The following EXD3 variants were observed in gnomAD, a reference collection of about 807,000 sequenced individuals.
EXD3 encodes exonuclease 3'-5' domain containing 3.
A neutral mutation model predicts 98.0 loss-of-function variants in EXD3; 92 were observed. The ratio of observed to expected loss-of-function variants is 0.94; its 90% CI spans 0.79 to 1.12. EXD3 has a LOEUF of 1.12. EXD3 is among the 50% of genes most tolerant of loss of function. EXD3 has a pLI of 0.00. For synonymous variants in EXD3, 569 were observed against 526.0 expected (o/e 1.08, Z -1.12); for missense variants, 1,222 against 1,191.6 (o/e 1.03, Z -0.38).
Position 137,403,278 on chromosome 9 carries a change from A to G in EXD3, c.-47-7874T>C, listed in dbSNP as rs1223026333. Among the ~76,000 whole-genome samples the G allele has an allele frequency of 6.6e-6, 1 of 151,934 alleles. No homozygotes were observed. Among genetic ancestry groups the G allele is most frequent in the African/African-American group, 2.4e-5 (1 of 41,372 alleles). On this transcript the variant is annotated intron_variant, in intron 1 of 21. Transcript: ENST00000340951. This position sits in a 1 kb window ranked among gnomAD's most constrained non-coding sequence, Gnocchi z 6.1. Reference sequence around the variant, plus strand: ...CACTGTGAGTGACCTGAGGGGCCCCAGAAGATGCAGACCCGAACGCGTCTC... The same window carrying G: ...CACTGTGAGTGACCTGAGGGGCCCCGGAAGATGCAGACCCGAACGCGTCTC...
At chr9:137,375,707 C>T (rs748505049) in intron 3 of EXD3, among the ~76,000 whole-genome samples, 7 of 151,896 alleles carry the variant, frequency 4.6e-5, no homozygotes, top group South Asian at 4.1e-4. Context: ...AGTTCTAGCC[C>T]TAGTGAGTTC....
Position 137,385,904 on chromosome 9 carries a change from G to C in EXD3, c.56-2527C>G, listed in dbSNP as rs1217678972. Reference sequence around the variant, plus strand: ...GTTCTGCAGGTGGACGGTGGTGGCAGCTGTGCAGCCACATGAGTGCCCTTA... The same window carrying C: ...GTTCTGCAGGTGGACGGTGGTGGCACCTGTGCAGCCACATGAGTGCCCTTA... On this transcript the variant is annotated intron_variant, in intron 2 of 21. Coordinates refer to ENST00000340951, the MANE Select transcript of EXD3 (RefSeq NM_017820.5). This position sits in a 1 kb window ranked among gnomAD's most constrained non-coding sequence, Gnocchi z 4.4. Among the ~76,000 whole-genome samples, 1 of 152,196 alleles carries C rather than the reference G, an allele frequency of 6.6e-6. No individual in the cohort carries two copies. The highest frequency in any genetic ancestry group is 1.5e-5 in the Non-Finnish European group (1 of 68,054).
intron 2 of EXD3, among the ~76,000 whole-genome samples, chr9:137,386,550 G>A (rs1319577650): frequency 6.6e-6 from 1 of 152,002 alleles, no homozygotes; most frequent in African/African-American, 2.4e-5. Flanking sequence ...ACAACACCCA[G>A]CCGCGCAACA....
intron 5 of EXD3, among the ~76,000 whole-genome samples, chr9:137,368,267 A>T (rs1835375290): frequency 6.6e-6 from 1 of 152,216 alleles, no homozygotes; most frequent in African/African-American, 2.4e-5. Context: ...CTGGCCACAC[A>T]GCCTGGGTCC....
chr9:137,356,163 G>T, intron 8 of EXD3, 105 bp downstream of exon 8: 1 of 836,020 alleles, frequency 1.2e-6, no homozygotes, highest in Non-Finnish European at 1.9e-6. Context: ...GGTTGGTCTT[G>T]GTTGGCACCT....
chr9:137,327,176 C>A (rs1038538260), intron 17 of EXD3, among the ~76,000 whole-genome samples: 3 of 151,422 alleles, frequency 2.0e-5, no homozygotes, highest in South Asian at 4.2e-4. Context: ...CTCTGTCGCC[C>A]AGGCTGGAGT....
intron 8 of EXD3, among the ~76,000 whole-genome samples, chr9:137,355,728 A>AGGAGGAAGGGAGGAT (rs1312685212): frequency 3.8e-5 from 5 of 132,490 alleles, no homozygotes; most frequent in Non-Finnish European, 4.9e-5. Flanking sequence ...GGAAGGAGGA[A>AGGAGGAAGGGAGGAT]GGAGGACCTA....
At chr9:137,352,230 C>T (rs1283369795) in intron 11 of EXD3, 29 bp from the exon 12 acceptor site, 2 of 1,611,648 alleles carry the variant, frequency 1.2e-6, no homozygotes, top group East Asian at 2.2e-5. Context: ...GTAGCGCCCC[C>T]ATGTCCCTGG....
rs1427562820 is a variant in EXD3, at chr9:137,385,544, ATAT to A, written c.56-2170_56-2168del. ...GACTTTTATTTTGTTATTTAAGTTA[ATAT>A]TTTATTTAGAGACGGAGTCTCACTG... On this transcript the variant is annotated intron_variant, in intron 2 of 21. Coordinates refer to ENST00000340951, the MANE Select transcript of EXD3 (RefSeq NM_017820.5). The surrounding 1 kb of genome is among the most constrained non-coding windows in gnomAD (Gnocchi z 4.4). 6.6e-6 allele frequency among the ~76,000 whole-genome samples: 1 copy of A among 152,136 alleles called. No homozygotes were observed. The highest frequency in any genetic ancestry group is 1.9e-4 in the East Asian group (1 of 5,200).
At chr9:137,397,045 C>T (rs1837251236) in intron 1 of EXD3, among the ~76,000 whole-genome samples, 1 of 152,210 alleles carries the variant, frequency 6.6e-6, no homozygotes, top group Non-Finnish European at 1.5e-5. Flanking sequence ...AGGAGGACCC[C>T]CGAGCCTCCC....
intron 1 of EXD3, among the ~76,000 whole-genome samples, chr9:137,404,905 G>C (rs779511080): frequency 6.7e-6 from 1 of 150,038 alleles, no homozygotes; most frequent in East Asian, 1.9e-4. Flanking sequence ...TCCTGGCCAC[G>C]CCTGTCTCCT....
chr9:137,399,025 C>A (rs111654772), intron 1 of EXD3, among the ~76,000 whole-genome samples: 2 of 152,188 alleles, frequency 1.3e-5, no homozygotes, highest in Non-Finnish European at 2.9e-5. Flanking sequence ...ACGTGCACAC[C>A]GACATCCCCG....
chr9:137,312,669 A>G (rs764234692), intron 19 of EXD3, among the ~76,000 whole-genome samples: 1 of 152,098 alleles, frequency 6.6e-6, no homozygotes, highest in Non-Finnish European at 1.5e-5. Context: ...GGGGAGGCGC[A>G]CTCAGGACCA....
chr9:137,316,423 C>T (rs1280420571), intron 19 of EXD3, among the ~76,000 whole-genome samples: 2 of 152,000 alleles, frequency 1.3e-5, no homozygotes, highest in Non-Finnish European at 2.9e-5. Context: ...GGGGACTCGG[C>T]CCCCCGCCCG....
intron 17 of EXD3, among the ~76,000 whole-genome samples, chr9:137,330,389 C>G (rs1224951021): frequency 2.1e-5 from 3 of 140,842 alleles, no homozygotes; most frequent in Non-Finnish European, 3.0e-5. Context: ...CAGGACTACA[C>G]AGGAGCTACA....
intron 19 of EXD3, among the ~76,000 whole-genome samples, chr9:137,317,141 G>A (rs1379603803): frequency 6.6e-6 from 1 of 152,154 alleles, no homozygotes; most frequent in African/African-American, 2.4e-5. Context: ...AGGAGGCTGA[G>A]GCTCAGGAGA....
intron 1 of EXD3, among the ~76,000 whole-genome samples, chr9:137,417,437 G>A (rs1297113163): frequency 6.6e-6 from 1 of 152,202 alleles, no homozygotes; most frequent in Non-Finnish European, 1.5e-5. Flanking sequence ...CCTGCTGACC[G>A]CATCTGCACG....
At chr9:137,325,701 G>C (rs1241713289) in intron 17 of EXD3, among the ~76,000 whole-genome samples, 1 of 152,086 alleles carries the variant, frequency 6.6e-6, no homozygotes, top group Admixed American at 6.6e-5. Flanking sequence ...CTAAAGTGCT[G>C]GGATTACAGG....
intron 1 of EXD3, among the ~76,000 whole-genome samples, chr9:137,420,089 G>A (rs574638689): frequency 9.9e-5 from 15 of 152,224 alleles, no homozygotes; most frequent in African/African-American, 3.1e-4. Flanking sequence ...GAACCCGGGA[G>A]GCGGAGCTGG....
Sources: gnomAD v4.1 joint callset for allele counts (sites outside exome capture counted in the v4.1 genomes callset) on GRCh38, gnomAD v4.1.1 for gene constraint, Gnocchi (gnomAD v3.1) non-coding constraint, MANE v1.5 for transcripts, NCBI Gene and HGNC (gene_info 2026-07-23, HGNC 2026-07-21) for gene names.